Variants in TSNARE1 observed in about 807,000 individuals in gnomAD.
TSNARE1 encodes t-SNARE domain containing 1, also known as t-SNARE domain-containing protein 1.
In TSNARE1, 49 loss-of-function variants were observed where a neutral mutation model predicts 62.0. That is an observed-to-expected ratio of 0.79 (90% confidence interval 0.63 to 1.00). The LOEUF (loss-of-function observed/expected upper bound fraction) is 1.00. Ranked by LOEUF, TSNARE1 falls within the 50% of genes least tolerant of loss-of-function variation. The probability of loss-of-function intolerance (pLI) is 0.00; values close to 1 mark genes in which losing one functional copy is unlikely to be tolerated. For missense variants in TSNARE1, 755 were observed against 700.1 expected (o/e 1.08, Z -0.88); for synonymous variants, 328 against 294.4 (o/e 1.11, Z -1.17).
chr8:142,373,870 G>A (rs1035185189), intron 1 of TSNARE1, among the ~76,000 whole-genome samples: 1 of 152,180 alleles, frequency 6.6e-6, no homozygotes, highest in Non-Finnish European at 1.5e-5. Context: ...CAGGGAGGAA[G>A]GGCTCAGAGC....
At position 142,232,401 on chromosome 8, in the gene TSNARE1, C is replaced by T. The variant is rs115120119; in HGVS notation, c.1447-2822G>A. 7.6e-3 allele frequency among the ~76,000 whole-genome samples: 1,151 copies of T among 152,362 alleles called. 19 individuals carry two copies. Among genetic ancestry groups the T allele is most frequent in the African/African-American group, 0.027 (1,114 of 41,590 alleles). The stretch of plus-strand genomic sequence containing the variant: ...AGTTGGCCAACCGAGGGCCTCCTTA[C>T]GTGGTCCCAGGTCAGGCCTGTCTCC... On this transcript the variant is annotated intron_variant, in intron 12 of 13. Coordinates refer to ENST00000524325, the MANE Select transcript of TSNARE1 (RefSeq NM_145003.5).
chr8:142,370,013 G>C (rs1274093576), intron 1 of TSNARE1, among the ~76,000 whole-genome samples: 1 of 152,150 alleles, frequency 6.6e-6, no homozygotes, highest in Non-Finnish European at 1.5e-5. Context: ...ATGAGATCAT[G>C]GAGGTGGAGC....
intron 1 of TSNARE1, among the ~76,000 whole-genome samples, chr8:142,378,632 G>T (rs1836513091): frequency 6.6e-6 from 1 of 152,154 alleles, no homozygotes; most frequent in Non-Finnish European, 1.5e-5. Flanking sequence ...AAAGCACCAC[G>T]TGTCATCCAA....
chr8:142,253,188 C>G (rs1484211809), intron 12 of TSNARE1, among the ~76,000 whole-genome samples: 1 of 152,200 alleles, frequency 6.6e-6, no homozygotes. Context: ...CCCAGGCTGG[C>G]ACTACGGGTA....
intron 1 of TSNARE1, among the ~76,000 whole-genome samples, chr8:142,381,984 C>T (rs183775227): frequency 2.9e-3 from 448 of 152,290 alleles, no homozygotes; most frequent in African/African-American, 0.01. Flanking sequence ...CCACCTCCTC[C>T]TCTGACGGGT....
chr8:142,359,679 G>C (rs1835013389), intron 1 of TSNARE1, among the ~76,000 whole-genome samples: 1 of 152,204 alleles, frequency 6.6e-6, no homozygotes, highest in Non-Finnish European at 1.5e-5. Flanking sequence ...ACCTGCACCT[G>C]CTCAGCAGGC....
At chr8:142,213,960 G>GC (rs562597099) in intron 13 of TSNARE1, among the ~76,000 whole-genome samples, 2 of 151,938 alleles carry the variant, frequency 1.3e-5, no homozygotes, top group Non-Finnish European at 2.9e-5. Flanking sequence ...ATCAGAGCCA[G>GC]CCCCCCCGGG....
chr8:142,291,195 G>A lies in TSNARE1; in HGVS notation c.1291-6710C>T, dbSNP rs1313719697. On this transcript the variant is annotated intron_variant, in intron 10 of 13. Transcript: ENST00000524325. The surrounding 1 kb of genome is among the most constrained non-coding windows in gnomAD (Gnocchi z 4.8). ...CTCTGGACCTGCGGGTGGCCTTGGAGACAAATCCCACCACCCTCATCTCAG... is the reference window on the plus strand; with the variant it reads ...CTCTGGACCTGCGGGTGGCCTTGGAAACAAATCCCACCACCCTCATCTCAG... 6.6e-6 allele frequency among the ~76,000 whole-genome samples: 1 copy of A among 151,908 alleles called. No individual in the cohort carries two copies.
intron 9 of TSNARE1, among the ~76,000 whole-genome samples, chr8:142,302,862 C>T (rs966080364): frequency 3.9e-5 from 6 of 152,164 alleles, no homozygotes; most frequent in African/African-American, 7.2e-5. Context: ...TGCTGGCCTC[C>T]GCTGTGCCTA....
upstream of TSNARE1, chr8:142,406,665 T>C (rs1212406608): frequency 1.3e-5 from 2 of 152,276 alleles, no homozygotes; most frequent in Non-Finnish European, 2.9e-5. Flanking sequence ...AGGCACACCT[T>C]CTCTAGGCTT....
chr8:142,368,980 C>CAGAGTTTG (rs1474779632), intron 1 of TSNARE1, among the ~76,000 whole-genome samples: 31 of 152,310 alleles, frequency 2.0e-4, no homozygotes, highest in African/African-American at 7.0e-4. Context: ...AGGACTCAAG[C>CAGAGTTTG]AGAGTTTGAC....
chr8:142,270,313 C>A lies in TSNARE1; in HGVS notation c.1446+4468G>T, dbSNP rs1047000504. The A allele has an allele frequency of 4.1e-6, 4 of 985,286 alleles. No individual in the cohort carries two copies. In the African/African-American group the frequency reaches 5.2e-5, roughly 13 times the overall value. 61.0% of individuals were successfully genotyped at this position (985,286 alleles called of 1,614,324 possible). ...GCCCCCGCAGGGAGGCTGAAAGCAG[C>A]GGTGCCTGCCACGCCCGAGAAGCAG... On this transcript the variant is annotated intron_variant, in intron 12 of 13. Transcript: ENST00000524325.
chr8:142,227,241 T>G (rs182349695), intron 13 of TSNARE1, among the ~76,000 whole-genome samples: 148 of 141,058 alleles, frequency 1.0e-3, no homozygotes, highest in Non-Finnish European at 1.8e-3. Flanking sequence ...CCCTACATCC[T>G]GCCCACAATC....
rs1321842787 is a variant in TSNARE1 at position 142,279,546 on chromosome 8, G to A, written c.1364-4683C>T. Among the ~76,000 whole-genome samples, 9 of 152,336 alleles carry A rather than the reference G, an allele frequency of 5.9e-5. No homozygotes were observed. In the South Asian group the frequency reaches 1.2e-3, roughly 21 times the overall value. ...TCCCATCTGGACACCCGGTGGGCACGGCTTGAGGTGGCGTATATGGTCGAG... is the reference window on the plus strand; with the variant it reads ...TCCCATCTGGACACCCGGTGGGCACAGCTTGAGGTGGCGTATATGGTCGAG... On this transcript the variant is annotated intron_variant, in intron 11 of 13. Coordinates refer to ENST00000524325, the MANE Select transcript of TSNARE1 (RefSeq NM_145003.5).
chr8:142,386,821 A>T (rs1328184869), intron 1 of TSNARE1, among the ~76,000 whole-genome samples: 1 of 152,228 alleles, frequency 6.6e-6, no homozygotes, highest in Admixed American at 6.5e-5. Context: ...GCCAACACTC[A>T]CAGGAGCCAC....
At chr8:142,300,723 T>A (rs1345037542) in intron 9 of TSNARE1, 79 bp from the exon 10 acceptor site, 1 of 1,495,262 alleles carries the variant, frequency 6.7e-7, no homozygotes, top group East Asian at 2.3e-5. Context: ...TTCAACAAAA[T>A]GGTGCTTTTC....
chr8:142,363,403 G>A (rs1366462693), intron 1 of TSNARE1, among the ~76,000 whole-genome samples: 1 of 152,156 alleles, frequency 6.6e-6, no homozygotes, highest in Non-Finnish European at 1.5e-5. Context: ...GAGAAGAGAT[G>A]TGGGTTAAAG....
intron 9 of TSNARE1, among the ~76,000 whole-genome samples, chr8:142,303,248 G>A (rs892106468): frequency 1.2e-4 from 18 of 152,134 alleles, no homozygotes; most frequent in African/African-American, 3.9e-4. Flanking sequence ...CAGGCCAGAG[G>A]AAGCTCTGTG....
chr8:142,401,722 A>C (rs1215134922), intron 1 of TSNARE1, among the ~76,000 whole-genome samples: 1 of 152,184 alleles, frequency 6.6e-6, no homozygotes, highest in Non-Finnish European at 1.5e-5. Context: ...GAGGTGACCC[A>C]GCCAAAACTC....
Sources: gnomAD v4.1 joint callset for allele counts (sites outside exome capture counted in the v4.1 genomes callset) on GRCh38, gnomAD v4.1.1 for gene constraint, Gnocchi (gnomAD v3.1) non-coding constraint, MANE v1.5 for transcripts, NCBI Gene and HGNC (gene_info 2026-07-23, HGNC 2026-07-21) for gene names.